Variants in C3orf52 observed in about 807,000 individuals in gnomAD.
C3orf52 encodes TPA-induced transmembrane protein.
C3orf52 carries 22 observed loss-of-function variants against 24.8 expected under a neutral mutation model. The ratio of observed to expected loss-of-function variants is 0.89; its 90% CI spans 0.63 to 1.27. C3orf52 has a LOEUF of 1.27. Among genes scored for constraint, C3orf52 ranks in the 50% most tolerant of loss-of-function variants. C3orf52 has a pLI of 0.00. For synonymous variants in C3orf52, 93 were observed against 100.2 expected (o/e 0.93, Z 0.43); for missense variants, 265 against 260.7 (o/e 1.02, Z -0.11).
chr3:112,106,344 C>T (rs921356380), intron 3 of C3orf52, among the ~76,000 whole-genome samples: 4 of 152,116 alleles, frequency 2.6e-5, no homozygotes, highest in Admixed American at 2.0e-4. Flanking sequence ...TCTCCCTGCT[C>T]AGTCTCCCGA....
chr3:112,119,372 TAACAAACA>T (rs61174992), downstream of C3orf52: 8,261 of 681,568 alleles, frequency 0.012, 134 homozygotes, highest in East Asian at 0.044. Context: ...TGAAACTCCA[TAACAAACA>T]AACAAACAAA....
chr3:112,130,781 T>C, downstream of C3orf52: 1 of 482,678 alleles, frequency 2.1e-6, no homozygotes, highest in East Asian at 3.9e-5. Context: ...ATCCCAAATA[T>C]CCAGGGATCC....
At chr3:112,106,056 A>G (rs1244570456) in intron 3 of C3orf52, among the ~76,000 whole-genome samples, 4 of 152,168 alleles carry the variant, frequency 2.6e-5, no homozygotes, top group African/African-American at 9.6e-5. Context: ...GTGGGACAGA[A>G]TGTGGGCATC....
At chr3:112,109,672 C>T in intron 4 of C3orf52, 59 bp downstream of exon 4, 2 of 1,023,830 alleles carry the variant, frequency 2.0e-6, no homozygotes, top group South Asian at 2.7e-5. Context: ...CCCCCCACCC[C>T]ACCCTTCGTC....
At chr3:112,106,932 A>G (rs2074030677) in intron 3 of C3orf52, among the ~76,000 whole-genome samples, 1 of 152,158 alleles carries the variant, frequency 6.6e-6, no homozygotes, top group African/African-American at 2.4e-5. Flanking sequence ...CTCAGTTTGC[A>G]CCAAGCCTCA....
Position 112,117,196 on chromosome 3 carries a change from C to G in C3orf52, c.*550C>G, listed in dbSNP as rs571031739. On this transcript the variant is annotated 3_prime_UTR_variant, in exon 6 of 6. Coordinates refer to ENST00000264848, the MANE Select transcript of C3orf52 (RefSeq NM_024616.3). ...ATTCACTGAAGTCATCCTCCTCCCC[C>G]CCACCATTCGATTTGATCTACCTCT... 54 of 538,772 alleles carry G rather than the reference C, an allele frequency of 1.0e-4. No individual in the cohort carries two copies. The highest frequency in any genetic ancestry group is 8.7e-4 in the South Asian group (29 of 33,516). 33.4% of individuals were successfully genotyped at this position (538,772 alleles called of 1,614,324 possible).
intron 2 of C3orf52, among the ~76,000 whole-genome samples, chr3:112,097,861 T>C (rs1049844745): frequency 1.3e-5 from 2 of 152,228 alleles, no homozygotes; most frequent in Non-Finnish European, 2.9e-5. Context: ...TCCTCCTCTC[T>C]CTAAGCATCC....
chr3:112,105,480 GT>G (rs775159302), intron 3 of C3orf52, among the ~76,000 whole-genome samples: 86 of 152,164 alleles, frequency 5.7e-4, no homozygotes, highest in Non-Finnish European at 9.4e-4. Flanking sequence ...GTGGGTATTT[GT>G]GGGGGAAAAA....
chr3:112,090,919 T>G (rs1358103229), intron 1 of C3orf52, among the ~76,000 whole-genome samples: 1 of 152,174 alleles, frequency 6.6e-6, no homozygotes, highest in Admixed American at 6.5e-5. Flanking sequence ...AAACTGAAGA[T>G]TCTTTGTACT....
At chr3:112,131,408 C>T (rs2074448236), downstream of C3orf52, among the ~76,000 whole-genome samples, 1 of 152,160 alleles carries the variant, frequency 6.6e-6, no homozygotes, top group Admixed American at 6.5e-5. Context: ...TAGATGATAA[C>T]TGGGTGTTGG....
downstream of C3orf52, chr3:112,132,684 G>A (rs533635805): frequency 1.0e-6 from 1 of 987,782 alleles, no homozygotes; most frequent in East Asian, 1.1e-4. Flanking sequence ...GTGGCAGGAA[G>A]CTTGCTGTTT....
intron 2 of C3orf52, among the ~76,000 whole-genome samples, chr3:112,094,225 C>T (rs934451518): frequency 2.6e-5 from 4 of 152,180 alleles, no homozygotes; most frequent in Non-Finnish European, 5.9e-5. Context: ...GAACTCCTGA[C>T]CTCAAGTGAT....
chr3:112,123,609 T>C, intron 4 of C3orf52: 1 of 1,614,006 alleles, frequency 6.2e-7, no homozygotes, highest in Non-Finnish European at 8.5e-7. Flanking sequence ...TAGAAGTGAA[T>C]ACTCAGTCTC....
chr3:112,092,809 C>T (rs2107775372), intron 1 of C3orf52, among the ~76,000 whole-genome samples: 1 of 152,314 alleles, frequency 6.6e-6, no homozygotes, highest in East Asian at 1.9e-4. Context: ...TAGGCCACAG[C>T]AGTAGCCTTG....
downstream of C3orf52, among the ~76,000 whole-genome samples, chr3:112,131,885 A>T (rs2074462121): frequency 6.6e-6 from 1 of 152,192 alleles, no homozygotes; most frequent in Non-Finnish European, 1.5e-5. Flanking sequence ...AAACCATAAG[A>T]AGTCCAAATA....
chr3:112,105,910 T>A (rs1268035383), intron 3 of C3orf52, among the ~76,000 whole-genome samples: 1 of 150,684 alleles, frequency 6.6e-6, no homozygotes, highest in African/African-American at 2.5e-5. Flanking sequence ...AAATTGGAGG[T>A]CTCCAAAACC....
rs2074096259 is a variant in C3orf52 at position 112,112,784 on chromosome 3, G to A, written c.468-180G>A. On this transcript the variant is annotated intron_variant, in intron 4 of 5. Coordinates refer to ENST00000264848, the MANE Select transcript of C3orf52 (RefSeq NM_024616.3). ...GGTTAGGATCACCTCAACTTTTTGT[G>A]ATGAATCTATGGAAGAGGATTCTTA... is the stretch of plus-strand genomic sequence containing the variant. 5.9e-6 allele frequency: 4 copies of A among 681,324 alleles called. No homozygotes were observed. The Admixed American group carries it at 9.0e-5, about 15-fold the overall frequency. 42.2% of individuals were successfully genotyped at this position (681,324 alleles called of 1,614,324 possible). A position where few individuals can be genotyped will look rare whatever the true frequency, so the allele number is the denominator to read the frequency against.
intron 4 of C3orf52, among the ~76,000 whole-genome samples, chr3:112,124,622 A>C (rs1053978618): frequency 6.6e-6 from 1 of 152,108 alleles, no homozygotes; most frequent in South Asian, 2.1e-4. Flanking sequence ...AAAATAAATA[A>C]ATAAATATAA....
At chr3:112,126,296 G>A (rs932312449) in intron 4 of C3orf52, among the ~76,000 whole-genome samples, 5 of 152,142 alleles carry the variant, frequency 3.3e-5, no homozygotes, top group Non-Finnish European at 7.3e-5. Context: ...TCCTCTTTAA[G>A]GAAGGAAAAG....
Sources: allele counts gnomAD v4.1 joint callset (sites outside exome capture counted in the v4.1 genomes callset), GRCh38; gene constraint gnomAD v4.1.1; transcripts MANE v1.5; gene names NCBI Gene and HGNC (gene_info 2026-07-23, HGNC 2026-07-21).